The following SDK1 variants were observed in gnomAD, a reference collection of about 807,000 sequenced individuals.
The protein encoded by SDK1 is protein sidekick-1.
SDK1 carries 157 observed loss-of-function variants against 245.5 expected under a neutral mutation model. That is an observed-to-expected ratio of 0.64 (90% CI 0.56 to 0.73). SDK1 has a LOEUF of 0.73. SDK1 is among the 30% of genes least tolerant of loss of function. The probability of loss-of-function intolerance (pLI) is 0.00; values close to 1 mark genes in which losing one functional copy is unlikely to be tolerated. For missense variants in SDK1, 3,583 were observed against 3,002.3 expected (o/e 1.19, Z -4.52); for synonymous variants, 1,647 against 1,278.5 (o/e 1.29, Z -6.15).
chr7:3,784,712 A>C (rs150257068), intron 4 of SDK1, among the ~76,000 whole-genome samples: 3 of 152,190 alleles, frequency 2.0e-5, no homozygotes, highest in Non-Finnish European at 4.4e-5. Flanking sequence ...ACAATATAAC[A>C]TGTGTTGGCC....
chr7:3,601,369 T>C (rs1181566785), intron 1 of SDK1, among the ~76,000 whole-genome samples: 3 of 152,174 alleles, frequency 2.0e-5, no homozygotes, highest in African/African-American at 4.8e-5. Flanking sequence ...TTGAGAAGCT[T>C]TTAAATTATA....
intron 40 of SDK1, among the ~76,000 whole-genome samples, chr7:4,223,113 C>G (rs1359095007): frequency 6.6e-6 from 1 of 151,702 alleles, no homozygotes; most frequent in Non-Finnish European, 1.5e-5. Flanking sequence ...CTAGAAGGCA[C>G]TTGTAACTAA....
intron 5 of SDK1, among the ~76,000 whole-genome samples, chr7:3,859,414 A>G (rs1780632210): frequency 1.3e-5 from 2 of 151,368 alleles, no homozygotes; most frequent in Admixed American, 1.3e-4. Flanking sequence ...GTAACAGAAA[A>G]CCTCAACTCA....
At chr7:3,305,051 A>G (rs899427207) in intron 1 of SDK1, among the ~76,000 whole-genome samples, 23 of 152,120 alleles carry the variant, frequency 1.5e-4, no homozygotes, top group Non-Finnish European at 3.1e-4. Flanking sequence ...TCCTCCCCCA[A>G]CAATTGCAGT....
At position 3,301,711 on chromosome 7, in the gene SDK1, C is replaced by A. The variant is rs1476958232; in HGVS notation, c.125C>A (p.Pro42Gln). Residue 42 changes from proline to glutamine, a missense_variant, in exon 1 of 45, where the codon CCG (proline) becomes CAG (glutamine). Transcript: ENST00000404826. ...GGCCGCGCCCGCCCCTCGCTGGCGC[C>A]GCGCCCCGGCCCGGAGCCCTCGCGA... ...PPGRARPSLA[P>Q]RPGPEPSRPR... The A allele has an allele frequency of 7.2e-6, 7 of 975,546 alleles. No homozygotes were observed. Among genetic ancestry groups the A allele is most frequent in the Non-Finnish European group, 4.8e-6 (4 of 825,058 alleles). 60.4% of individuals were successfully genotyped at this position (975,546 alleles called of 1,614,324 possible).
chr7:4,169,500 C>G lies in SDK1; in HGVS notation c.4801-4722C>G, dbSNP rs181390882. On this transcript the variant is annotated intron_variant, in intron 32 of 44. Transcript: ENST00000404826. The stretch of plus-strand genomic sequence containing the variant: ...GCCGCCTCCTCCTCCAAGGGCAGCT[C>G]AAACGCCATTCCCTGCAGTTATCCT... 7.9e-5 allele frequency among the ~76,000 whole-genome samples: 12 copies of G among 152,364 alleles called. 1 individual carries two copies. Among genetic ancestry groups the G allele is most frequent in the Non-Finnish European group, 8.8e-5 (6 of 68,038 alleles).
chr7:3,414,829 G>T (rs1779316984), intron 1 of SDK1, among the ~76,000 whole-genome samples: 1 of 151,762 alleles, frequency 6.6e-6, no homozygotes, highest in Non-Finnish European at 1.5e-5. Flanking sequence ...TATAATGTGT[G>T]TTTTTTTTGG....
At chr7:3,390,955 C>G (rs1246574558) in intron 1 of SDK1, among the ~76,000 whole-genome samples, 1 of 152,046 alleles carries the variant, frequency 6.6e-6, no homozygotes, top group Non-Finnish European at 1.5e-5. Context: ...TTTTAAGCAC[C>G]CAACAGAAAA....
intron 22 of SDK1, among the ~76,000 whole-genome samples, chr7:4,084,346 A>T (rs536778815): frequency 2.0e-5 from 3 of 152,282 alleles, no homozygotes; most frequent in African/African-American, 7.2e-5. Context: ...AGTCACCTGC[A>T]GTCATTATTC....
At position 4,205,988 on chromosome 7, in the gene SDK1, C is replaced by T; in HGVS notation, c.5208C>T (p.Gly1736=). ...AGAGCCAGAATGGGAACATCCAAGGCTACAAGGCAAGGCCCTCCCGTGCGG... is the reference window on the plus strand; with the variant it reads ...AGAGCCAGAATGGGAACATCCAAGGTTACAAGGCAAGGCCCTCCCGTGCGG... ...PPESQNGNIQ[G]YKIYYWEADS... Residue 1736 remains glycine, a synonymous_variant, in exon 36 of 45, where the codon GGC becomes GGT. Coordinates refer to ENST00000404826, the MANE Select transcript of SDK1 (RefSeq NM_152744.4). 1 of 1,544,084 alleles carries T rather than the reference C, an allele frequency of 6.5e-7. No homozygotes were observed. The highest frequency in any genetic ancestry group is 1.7e-4 in the Middle Eastern group (1 of 5,934).
intron 5 of SDK1, among the ~76,000 whole-genome samples, chr7:3,850,915 A>G (rs945200498): frequency 6.6e-6 from 1 of 152,160 alleles, no homozygotes; most frequent in African/African-American, 2.4e-5. Context: ...GTAAATGACG[A>G]CTTAATAGGT....
intron 5 of SDK1, among the ~76,000 whole-genome samples, chr7:3,905,305 T>G (rs1472327702): frequency 1.3e-5 from 2 of 152,216 alleles, no homozygotes; most frequent in Non-Finnish European, 2.9e-5. Flanking sequence ...CAATGAATAT[T>G]TGTGCATTAT....
chr7:3,770,018 C>A (rs116808207), intron 4 of SDK1, among the ~76,000 whole-genome samples: 3 of 151,248 alleles, frequency 2.0e-5, no homozygotes, highest in Admixed American at 6.6e-5. Context: ...CATATCCCTA[C>A]TACAGTCTCC....
At chr7:4,180,217 T>C (rs1395743952) in intron 35 of SDK1, among the ~76,000 whole-genome samples, 1 of 151,442 alleles carries the variant, frequency 6.6e-6, no homozygotes, top group East Asian at 2.0e-4. Flanking sequence ...TCCAGCTCTA[T>C]GCCCAGCGCC....
chr7:3,475,035 G>C (rs1478887406), intron 1 of SDK1, among the ~76,000 whole-genome samples: 2 of 151,990 alleles, frequency 1.3e-5, no homozygotes, highest in Non-Finnish European at 2.9e-5. Context: ...CATTCACTTG[G>C]TACTCTCCCG....
intron 35 of SDK1, among the ~76,000 whole-genome samples, chr7:4,182,973 G>A (rs1245409723): frequency 6.6e-6 from 1 of 152,228 alleles, no homozygotes; most frequent in Admixed American, 6.5e-5. Context: ...CCACATGGGG[G>A]AACTGGAGTT....
At chr7:3,343,629 G>A (rs1198622729) in intron 1 of SDK1, among the ~76,000 whole-genome samples, 1 of 152,102 alleles carries the variant, frequency 6.6e-6, no homozygotes, top group Admixed American at 6.5e-5. Flanking sequence ...TGTTCAAAGT[G>A]TCATTGTTGT....
rs192832869 is a variant in SDK1 at position 3,945,670 on chromosome 7, C to T, written c.848-5253C>T. On this transcript the variant is annotated intron_variant, in intron 5 of 44. Coordinates refer to ENST00000404826, the MANE Select transcript of SDK1 (RefSeq NM_152744.4). ...CAGCACTTCGGGAGGCCAAGGCAGG[C>T]GGATCACAAACGAGGTCAGGAGATC... Among the ~76,000 whole-genome samples, 259 of 151,872 alleles carry T rather than the reference C, an allele frequency of 1.7e-3. 1 individual carries two copies. Among genetic ancestry groups the T allele is most frequent in the Non-Finnish European group, 2.8e-3 (187 of 67,924 alleles).
chr7:3,698,173 A>G (rs769761452), intron 4 of SDK1, among the ~76,000 whole-genome samples: 18 of 152,294 alleles, frequency 1.2e-4, no homozygotes, highest in Non-Finnish European at 2.4e-4. Flanking sequence ...TTTGGACAAT[A>G]ACCACTCTGC....
Sources: gnomAD v4.1 joint callset for allele counts (sites outside exome capture counted in the v4.1 genomes callset) on GRCh38, gnomAD v4.1.1 for gene constraint, MANE v1.5 for transcripts, NCBI Gene and HGNC (gene_info 2026-07-23, HGNC 2026-07-21) for gene names.